ATL2: variants seen among roughly 807,000 people sequenced by gnomAD.
ATL2 encodes the protein atlastin-2.
A neutral mutation model predicts 73.9 loss-of-function variants in ATL2; 31 were observed. That is an observed-to-expected ratio of 0.42 (90% CI 0.32 to 0.57). ATL2 has a LOEUF of 0.57. Ranked by LOEUF, ATL2 falls within the 20% of genes least tolerant of loss-of-function variation. The probability of loss-of-function intolerance (pLI) is 0.14; values close to 1 mark genes in which losing one functional copy is unlikely to be tolerated. For synonymous variants in ATL2, 291 were observed against 237.5 expected (o/e 1.23, Z -2.07); for missense variants, 738 against 702.6 (o/e 1.05, Z -0.57).
intron 1 of ATL2, among the ~76,000 whole-genome samples, chr2:38,364,450 G>A (rs13339869): frequency 0.12 from 18,677 of 152,026 alleles, 3,369 homozygotes; most frequent in African/African-American, 0.4. Flanking sequence ...TCAAGAGCCC[G>A]AATATAAAGT....
intron 9 of ATL2, among the ~76,000 whole-genome samples, chr2:38,302,478 C>A (rs748292341): frequency 2.0e-5 from 3 of 152,138 alleles, no homozygotes; most frequent in Non-Finnish European, 4.4e-5. Context: ...AGGCAATAAC[C>A]ACACAATAGT....
intron 2 of ATL2, among the ~76,000 whole-genome samples, chr2:38,325,900 TTTGTTTAAAAAAAAAAA>T (rs1668631612): frequency 3.4e-5 from 2 of 57,976 alleles, no homozygotes; most frequent in East Asian, 5.5e-4. Context: ...TGTTTGTTTG[TTTGTTTAAAAAAAAAAA>T]AAAAAAAAAA....
At chr2:38,330,019 C>G (rs541894772) in intron 2 of ATL2, among the ~76,000 whole-genome samples, 1 of 152,064 alleles carries the variant, frequency 6.6e-6, no homozygotes, top group East Asian at 1.9e-4. Context: ...ATCCCAGCTA[C>G]TGTGGAGGCT....
At chr2:38,370,957 CG>C (rs970656732) in intron 1 of ATL2, among the ~76,000 whole-genome samples, 1 of 148,784 alleles carries the variant, frequency 6.7e-6, no homozygotes, top group Non-Finnish European at 1.5e-5. Flanking sequence ...GCCCCTATCT[CG>C]GGGGGGAAAA....
intron 2 of ATL2, among the ~76,000 whole-genome samples, chr2:38,342,122 CT>C (rs901504606): frequency 7.4e-5 from 11 of 148,372 alleles, no homozygotes; most frequent in Admixed American, 1.4e-4. Context: ...ATTTTTTTTG[CT>C]TTTTTTTTTC....
intron 1 of ATL2, among the ~76,000 whole-genome samples, chr2:38,346,283 A>C (rs569817418): frequency 1.3e-5 from 2 of 152,318 alleles, no homozygotes; most frequent in South Asian, 4.1e-4. Context: ...CCCTTCATTA[A>C]TACTCTTGTC....
chr2:38,299,794 T>C (rs1667089935), intron 10 of ATL2, among the ~76,000 whole-genome samples: 1 of 152,186 alleles, frequency 6.6e-6, no homozygotes, highest in South Asian at 2.1e-4. Context: ...GTAAATGTTT[T>C]AAAATATGAA....
intron 10 of ATL2, 98 bp downstream of exon 10, chr2:38,300,174 G>T: frequency 1.9e-6 from 2 of 1,062,444 alleles, no homozygotes; most frequent in Non-Finnish European, 1.4e-6. Context: ...ATGCAAAAAA[G>T]CACCCCCCAT....
chr2:38,312,391 T>A (rs11896060), intron 7 of ATL2, among the ~76,000 whole-genome samples: 50,250 of 151,748 alleles, frequency 0.33, 8,586 homozygotes, highest in South Asian at 0.47. Context: ...CCCCCTTCAC[T>A]CTCTCTCTCC....
chr2:38,337,038 A>G (rs1481730605), intron 2 of ATL2, among the ~76,000 whole-genome samples: 1 of 152,170 alleles, frequency 6.6e-6, no homozygotes, highest in East Asian at 1.9e-4. Flanking sequence ...GCAAATCCAG[A>G]GTGGGAAACC....
At chr2:38,356,271 T>A (rs1670662338) in intron 1 of ATL2, among the ~76,000 whole-genome samples, 1 of 151,968 alleles carries the variant, frequency 6.6e-6, no homozygotes, top group Non-Finnish European at 1.5e-5. Context: ...CAGGCTGGAG[T>A]GCAATGGTGC....
chr2:38,343,202 T>C, intron 2 of ATL2, 66 bp downstream of exon 2: 3 of 1,398,582 alleles, frequency 2.1e-6, no homozygotes, highest in Non-Finnish European at 2.9e-6. Context: ...TTTTTGTCTA[T>C]TTTTTTAACA....
intron 1 of ATL2, among the ~76,000 whole-genome samples, chr2:38,350,959 T>C (rs1438550509): frequency 6.6e-6 from 1 of 152,180 alleles, no homozygotes; most frequent in African/African-American, 2.4e-5. Context: ...GTGCTACAAA[T>C]CTTCATTATA....
intron 1 of ATL2, among the ~76,000 whole-genome samples, chr2:38,368,321 C>A (rs1362773480): frequency 6.6e-6 from 1 of 150,572 alleles, no homozygotes; most frequent in African/African-American, 2.4e-5. Context: ...GGTGCAATCT[C>A]AGTTCACCTC....
chr2:38,377,208 C>G lies in ATL2; in HGVS notation c.53G>C (p.Trp18Ser), dbSNP rs1331955382. ...ARGQQPHQGL[W>S]RRRRTSDPSA... Reference sequence around the variant, plus strand: ...TGGGTCGCTGGTCCGTCGCCGGCGCCACAGCCCCTGGTGCGGTTGCTGCCC... The same window carrying G: ...TGGGTCGCTGGTCCGTCGCCGGCGCGACAGCCCCTGGTGCGGTTGCTGCCC... The change falls in exon 1 of 13, where the codon TGG becomes TCG. Residue 18 changes from tryptophan (W) to serine (S), a missense_variant. Transcript: ENST00000378954. 3 of 1,609,522 alleles carry G rather than the reference C, an allele frequency of 1.9e-6. No homozygotes were observed. In the Admixed American group the frequency reaches 5.0e-5, roughly 27 times the overall value.
At chr2:38,308,352 G>GA (rs1667565465) in intron 9 of ATL2, among the ~76,000 whole-genome samples, 1 of 152,142 alleles carries the variant, frequency 6.6e-6, no homozygotes, top group Non-Finnish European at 1.5e-5. Flanking sequence ...GCCAGACACA[G>GA]AAAAAACAAA....
intron 2 of ATL2, among the ~76,000 whole-genome samples, chr2:38,334,281 C>T (rs1329228855): frequency 1.3e-5 from 2 of 151,798 alleles, no homozygotes; most frequent in East Asian, 1.9e-4. Context: ...CGACTTGCCT[C>T]GGCCTCCTAA....
At chr2:38,316,275 T>G (rs1201731008) in intron 4 of ATL2, among the ~76,000 whole-genome samples, 1 of 152,194 alleles carries the variant, frequency 6.6e-6, no homozygotes, top group Non-Finnish European at 1.5e-5. Context: ...AAAAAGTAAT[T>G]GATGACTGAG....
chr2:38,331,188 ACTTTGGGAGGC>A (rs1242992743), intron 2 of ATL2, among the ~76,000 whole-genome samples: 1 of 152,022 alleles, frequency 6.6e-6, no homozygotes, highest in Non-Finnish European at 1.5e-5. Flanking sequence ...TAATCCCATC[ACTTTGGGAGGC>A]CGAGGTGGGC....
Sources: allele counts gnomAD v4.1 joint callset (sites outside exome capture counted in the v4.1 genomes callset), GRCh38; gene constraint gnomAD v4.1.1; transcripts MANE v1.5; gene names NCBI Gene and HGNC (gene_info 2026-07-23, HGNC 2026-07-21).